Variants in LANCL2 observed in about 807,000 individuals in gnomAD.
The protein encoded by LANCL2 is LanC like glutathione S-transferase 2.
LANCL2 carries 33 observed loss-of-function variants against 56.9 expected under a neutral mutation model. The observed-to-expected ratio is 0.58, with a 90% confidence interval of 0.44 to 0.78. The LOEUF (loss-of-function observed/expected upper bound fraction) is 0.78, where lower values mean the gene tolerates loss of function less well. Among genes scored for constraint, LANCL2 ranks in the 30% least tolerant of loss-of-function variants. The probability of loss-of-function intolerance (pLI) is 0.00; values close to 1 mark genes in which losing one functional copy is unlikely to be tolerated. For missense variants in LANCL2, 562 were observed against 580.2 expected, an observed-to-expected ratio of 0.97 and a Z score of 0.32; for synonymous variants, 233 against 228.2, an observed-to-expected ratio of 1.02 and a Z score of -0.19.
intron 1 of LANCL2, among the ~76,000 whole-genome samples, chr7:55,368,293 A>G (rs1405487237): frequency 3.9e-5 from 6 of 152,222 alleles, no homozygotes; most frequent in Admixed American, 1.3e-4. Context: ...TACCTGATTT[A>G]TGTTGAAAAG....
intron 1 of LANCL2, among the ~76,000 whole-genome samples, chr7:55,369,595 C>A (rs1004389286): frequency 2.0e-5 from 3 of 152,314 alleles, no homozygotes; most frequent in East Asian, 1.9e-4. Context: ...AGTTACTCAT[C>A]TAACAGCCAT....
intron 6 of LANCL2, among the ~76,000 whole-genome samples, chr7:55,414,761 C>G (rs528111593): frequency 2.9e-4 from 44 of 152,030 alleles, no homozygotes; most frequent in Non-Finnish European, 5.7e-4. Context: ...AGGAGGGTTG[C>G]TTGAGCCCAG....
rs528972780 is a variant in LANCL2, at chr7:55,430,735, C to A, written c.1259-491C>A. Among the ~76,000 whole-genome samples the A allele has an allele frequency of 2.0e-5, 3 of 152,306 alleles. No homozygotes were observed. The South Asian group carries it at 6.2e-4, about 32-fold the overall frequency. ...TGGGCTACTAGCACCTTCTCCACCC[C>A]ACACCCTTCCTAAGCTGCTGTGAGT... On this transcript the variant is annotated intron_variant, in intron 8 of 8. Transcript: ENST00000254770.
rs1450076489 is a variant in LANCL2 at position 55,432,279 on chromosome 7, A to G, written c.*959A>G. The stretch of plus-strand genomic sequence containing the variant: ...TGTCCCTGCAATTAAACTTACTTCA[A>G]CCTTTTGGAAAGTTATCAAAATCTA... On this transcript the variant is annotated 3_prime_UTR_variant, in exon 9 of 9. Coordinates refer to ENST00000254770, the MANE Select transcript of LANCL2 (RefSeq NM_018697.4). The G allele has an allele frequency of 1.3e-5, 2 of 152,202 alleles. No homozygotes were observed. The highest frequency in any genetic ancestry group is 2.4e-5 in the African/African-American group (1 of 41,448). The allele number at this position is 152,202 out of a possible 1,614,324, so 9.4% of individuals were successfully genotyped here.
intron 5 of LANCL2, 75 bp downstream of exon 5, chr7:55,401,395 C>A: frequency 7.5e-7 from 1 of 1,339,672 alleles, no homozygotes; most frequent in Non-Finnish European, 1.0e-6. Context: ...TGCATATAAA[C>A]AAAGCAGTCT....
In LANCL2 at chr7:55,412,165, G is replaced by T. The variant is rs1790478843; in HGVS notation, c.1008+76G>T. On this transcript the variant is annotated intron_variant, in intron 6 of 8. Transcript: ENST00000254770. Reference sequence around the variant, plus strand: ...CCTGTCAGGTTTTGGGTCTTGCTTTGGTAAGGCCATTTGACTGTACACTAA... The same window carrying T: ...CCTGTCAGGTTTTGGGTCTTGCTTTTGTAAGGCCATTTGACTGTACACTAA... The T allele has an allele frequency of 8.0e-6, 11 of 1,381,698 alleles. No homozygotes were observed. The Admixed American group carries it at 2.3e-4, about 29-fold the overall frequency. The allele number at this position is 1,381,698 out of a possible 1,614,324, so 85.6% of individuals were successfully genotyped here. A position where few individuals can be genotyped will look rare whatever the true frequency, so the allele number is the denominator to read the frequency against.
rs376748411 is a variant in LANCL2, at chr7:55,423,324, G to A, written c.1009-1930G>A. On this transcript the variant is annotated intron_variant, in intron 6 of 8. Transcript: ENST00000254770. Reference sequence around the variant, plus strand: ...CTCTAGCAGCCTCAGCCTCGCAGGCGCAGGGACGGCATGAAGGAACCCTGT... The same window carrying A: ...CTCTAGCAGCCTCAGCCTCGCAGGCACAGGGACGGCATGAAGGAACCCTGT... Among the ~76,000 whole-genome samples, 4 of 152,296 alleles carry A rather than the reference G, an allele frequency of 2.6e-5. No homozygotes were observed. In the South Asian group the frequency reaches 6.2e-4, roughly 24 times the overall value.
intron 5 of LANCL2, 27 bp downstream of exon 5, chr7:55,401,347 C>T: frequency 6.3e-7 from 1 of 1,582,272 alleles, no homozygotes; most frequent in Non-Finnish European, 8.7e-7. Flanking sequence ...TTACACACTA[C>T]AGTATATTTG....
Position 55,365,945 on chromosome 7 carries a change from C to G in LANCL2, c.-81C>G. The G allele has an allele frequency of 1.7e-6, 2 of 1,184,088 alleles. No homozygotes were observed. Among genetic ancestry groups the G allele is most frequent in the Non-Finnish European group, 2.3e-6 (2 of 886,888 alleles). 73.3% of individuals were successfully genotyped at this position (1,184,088 alleles called of 1,614,324 possible). A position where few individuals can be genotyped will look rare whatever the true frequency, so the allele number is the denominator to read the frequency against. ...CTAGAGGACGCTCTCTGCGCGGGCC[C>G]TCGGAGGAGGCGGCGGCGGGGCGAG... is the stretch of plus-strand genomic sequence containing the variant. On this transcript the variant is annotated 5_prime_UTR_variant, in exon 1 of 9. Coordinates refer to ENST00000254770, the MANE Select transcript of LANCL2 (RefSeq NM_018697.4).
At chr7:55,430,208 C>T (rs1360868107) in intron 8 of LANCL2, among the ~76,000 whole-genome samples, 1 of 152,194 alleles carries the variant, frequency 6.6e-6, no homozygotes, top group African/African-American at 2.4e-5. Context: ...TTTCTTTAAA[C>T]AAAAACTTAC....
rs921434013 is a variant in LANCL2 at position 55,384,328 on chromosome 7, T to C, written c.205-7465T>C. 1.3e-4 allele frequency among the ~76,000 whole-genome samples: 19 copies of C among 151,508 alleles called. 1 individual carries two copies. Among genetic ancestry groups the C allele is most frequent in the Non-Finnish European group, 2.2e-4 (15 of 67,818 alleles). ...CAGCACTTTGGGAGGCCGAGGCGGG[T>C]GGATCACGAGGTCAGGAGATCGAGA... is the stretch of plus-strand genomic sequence containing the variant. On this transcript the variant is annotated intron_variant, in intron 1 of 8. Transcript: ENST00000254770.
chr7:55,366,225 G>A lies in LANCL2; in HGVS notation c.200G>A (p.Gly67Glu), dbSNP rs756167756. ...DEPGLPFHQD[G>E]KIIHNFIRRI... ...CCCGGCCTCCCTTTTCATCAGGACG[G>A]GAAGGTGAGTCGGCGGCCTGGCCGC... The change falls in exon 1 of 9, where the codon GGG (glycine) becomes GAG (glutamate). Residue 67 changes from glycine to glutamate, a missense_variant. This residue lies in a region of LANCL2 where 184 missense variants were observed against 111.8 expected (regional missense o/e 1.65). Coordinates refer to ENST00000254770, the MANE Select transcript of LANCL2 (RefSeq NM_018697.4). The A allele has an allele frequency of 2.0e-6, 3 of 1,509,530 alleles. No homozygotes were observed. Among genetic ancestry groups the A allele is most frequent in the Non-Finnish European group, 2.7e-6 (3 of 1,123,590 alleles). The allele number at this position is 1,509,530 out of a possible 1,614,324, so 93.5% of individuals were successfully genotyped here. A position where few individuals can be genotyped will look rare whatever the true frequency, so the allele number is the denominator to read the frequency against.
intron 8 of LANCL2, 85 bp from the exon 9 acceptor site, chr7:55,431,141 C>A (rs1351031270): frequency 1.1e-6 from 1 of 932,202 alleles, no homozygotes; most frequent in Non-Finnish European, 1.6e-6. Context: ...TGCTTGCAGC[C>A]CCTGGTAAGG....
intron 7 of LANCL2, 135 bp downstream of exon 7, chr7:55,425,565 A>C: frequency 1.3e-6 from 1 of 789,208 alleles, no homozygotes. Flanking sequence ...TTCTTCTGGC[A>C]CAGCCTTATC....
intron 1 of LANCL2, among the ~76,000 whole-genome samples, chr7:55,382,237 TAAAAC>T (rs1790077049): frequency 6.6e-6 from 1 of 152,016 alleles, no homozygotes; most frequent in South Asian, 2.1e-4. Context: ...CTCCATGAAA[TAAAAC>T]AAAATATGCT....
intron 6 of LANCL2, among the ~76,000 whole-genome samples, chr7:55,415,911 G>C (rs949814343): frequency 6.6e-6 from 1 of 151,950 alleles, no homozygotes; most frequent in African/African-American, 2.4e-5. Flanking sequence ...CACTGTGTCC[G>C]GCCAGTTTAT....
At chr7:55,392,948 A>G (rs1790209302) in intron 2 of LANCL2, among the ~76,000 whole-genome samples, 1 of 152,110 alleles carries the variant, frequency 6.6e-6, no homozygotes, top group Non-Finnish European at 1.5e-5. Flanking sequence ...TACTGCCTGT[A>G]CTCATTTGAC....
Position 55,431,420 on chromosome 7 carries a change from G to C in LANCL2, c.*100G>C. 1 of 799,914 alleles carries C rather than the reference G, an allele frequency of 1.3e-6. No individual in the cohort carries two copies. Among genetic ancestry groups the C allele is most frequent in the Non-Finnish European group, 2.0e-6 (1 of 500,988 alleles). The allele number at this position is 799,914 out of a possible 1,614,324, so 49.6% of individuals were successfully genotyped here. A position where few individuals can be genotyped will look rare whatever the true frequency, so the allele number is the denominator to read the frequency against. ...AACTGGGAATCCTGAAAGAGAAGCA[G>C]ACACCGTCACAGGCCCCTCTGGTTA... On this transcript the variant is annotated 3_prime_UTR_variant, in exon 9 of 9. Coordinates refer to ENST00000254770, the MANE Select transcript of LANCL2 (RefSeq NM_018697.4).
At chr7:55,389,825 T>A (rs1790165146) in intron 1 of LANCL2, among the ~76,000 whole-genome samples, 1 of 152,152 alleles carries the variant, frequency 6.6e-6, no homozygotes, top group Non-Finnish European at 1.5e-5. Context: ...TCTGAGAGAG[T>A]CTCATTAGCA....
Sources: allele counts gnomAD v4.1 joint callset (sites outside exome capture counted in the v4.1 genomes callset), GRCh38; gene constraint gnomAD v4.1.1; regional missense constraint gnomAD v4.1.1; transcripts MANE v1.5; gene names NCBI Gene and HGNC (gene_info 2026-07-23, HGNC 2026-07-21).